Variants in ADGRD1 observed in about 807,000 individuals in gnomAD.
The protein encoded by ADGRD1 is G-protein coupled receptor 133.
ADGRD1 carries 77 observed loss-of-function variants against 113.4 expected under a neutral mutation model. That is an observed-to-expected ratio of 0.68 (90% CI 0.57 to 0.82). The LOEUF (loss-of-function observed/expected upper bound fraction) is 0.82, where lower values mean the gene tolerates loss of function less well. ADGRD1 is among the 40% of genes least tolerant of loss of function. The pLI is 0.00. For missense variants in ADGRD1, 1,036 were observed against 1,139.1 expected (o/e 0.91, Z 1.30); for synonymous variants, 474 against 475.0 (o/e 1.00, Z 0.03).
At chr12:131,007,169 C>G (rs1231657362) in intron 12 of ADGRD1, among the ~76,000 whole-genome samples, 2 of 152,250 alleles carry the variant, frequency 1.3e-5, no homozygotes, top group African/African-American at 4.8e-5. Flanking sequence ...CTTCCAGATG[C>G]AGGGTGCACA....
At position 131,015,954 on chromosome 12, in the gene ADGRD1, C is replaced by T. The variant is rs189473592; in HGVS notation, c.1473+1614C>T. Among the ~76,000 whole-genome samples, 317 of 152,338 alleles carry T rather than the reference C, an allele frequency of 2.1e-3. 2 individuals are homozygous for T. Among genetic ancestry groups the T allele is most frequent in the African/African-American group, 7.3e-3 (303 of 41,580 alleles). ...AGGAGAATTTACACTCTGGGCCTGTCGGCAGATGTCTAGCAGGTCTTTCCC... is the reference window on the plus strand; with the variant it reads ...AGGAGAATTTACACTCTGGGCCTGTTGGCAGATGTCTAGCAGGTCTTTCCC... On this transcript the variant is annotated intron_variant, in intron 13 of 24. Transcript: ENST00000261654.
At chr12:131,137,976 C>A in intron 23 of ADGRD1, 161 bp from the exon 24 acceptor site, 1 of 643,274 alleles carries the variant, frequency 1.6e-6, no homozygotes, top group Non-Finnish European at 2.8e-6. Context: ...CACAGAGCAG[C>A]GATGCACAGC....
At position 131,084,339 on chromosome 12, in the gene ADGRD1, T is replaced by C. The variant is rs570640639; in HGVS notation, c.1548-201T>C. Among the ~76,000 whole-genome samples the C allele has an allele frequency of 3.9e-5, 6 of 152,110 alleles. No homozygotes were observed. The South Asian group carries it at 1.2e-3, about 32-fold the overall frequency. Reference sequence around the variant, plus strand: ...CTGTGGCCTGACCAGCAGCAGACACTCTCCAGCTCTCGCCAGCCTGATGGC... The same window carrying C: ...CTGTGGCCTGACCAGCAGCAGACACCCTCCAGCTCTCGCCAGCCTGATGGC... On this transcript the variant is annotated intron_variant, in intron 14 of 24. Transcript: ENST00000261654. The surrounding 1 kb of genome is among the most constrained non-coding windows in gnomAD (Gnocchi z 4.5).
At chr12:131,114,588 T>C (rs1950420250) in intron 18 of ADGRD1, among the ~76,000 whole-genome samples, 1 of 152,182 alleles carries the variant, frequency 6.6e-6, no homozygotes, top group Non-Finnish European at 1.5e-5. Flanking sequence ...TTGGGCTCTC[T>C]CGACCTTCAG....
At chr12:131,137,391 G>C (rs1951114269) in intron 23 of ADGRD1, among the ~76,000 whole-genome samples, 1 of 152,228 alleles carries the variant, frequency 6.6e-6, no homozygotes, top group African/African-American at 2.4e-5. Context: ...GGCCTCCTTG[G>C]ACTCTGGGGC....
intron 13 of ADGRD1, among the ~76,000 whole-genome samples, chr12:131,051,898 G>A (rs1185539035): frequency 1.3e-5 from 2 of 152,218 alleles, no homozygotes; most frequent in Non-Finnish European, 2.9e-5. Context: ...GAATTGAATT[G>A]AATATGAATT....
At chr12:131,082,553 A>T (rs1360152507) in intron 14 of ADGRD1, among the ~76,000 whole-genome samples, 1 of 152,062 alleles carries the variant, frequency 6.6e-6, no homozygotes. Flanking sequence ...GGCTACGTTC[A>T]CCTAATCCAA....
At chr12:131,044,417 A>T (rs771123712) in intron 13 of ADGRD1, among the ~76,000 whole-genome samples, 6 of 152,206 alleles carry the variant, frequency 3.9e-5, no homozygotes, top group Non-Finnish European at 8.8e-5. Flanking sequence ...GCAGAAGCAC[A>T]GGGGGCTGAG....
chr12:131,122,189 A>T (rs1002260048), intron 20 of ADGRD1, among the ~76,000 whole-genome samples: 2 of 152,006 alleles, frequency 1.3e-5, no homozygotes, highest in African/African-American at 4.8e-5. Context: ...GAGGGGCGTC[A>T]GGGGCCCAGG....
chr12:131,074,640 C>G (rs984197291), intron 13 of ADGRD1, among the ~76,000 whole-genome samples: 1 of 152,224 alleles, frequency 6.6e-6, no homozygotes, highest in Non-Finnish European at 1.5e-5. Context: ...CCACGTCACA[C>G]CCCTGGGAGC....
At chr12:130,976,571 G>A (rs963061037) in intron 4 of ADGRD1, among the ~76,000 whole-genome samples, 1 of 152,162 alleles carries the variant, frequency 6.6e-6, no homozygotes, top group Non-Finnish European at 1.5e-5. Context: ...CTGACTATAC[G>A]TGCTTGGTTT....
intron 20 of ADGRD1, among the ~76,000 whole-genome samples, chr12:131,124,682 G>A (rs1049894385): frequency 1.3e-4 from 14 of 105,252 alleles, no homozygotes; most frequent in African/African-American, 3.4e-4. Flanking sequence ...GCCCCTTCTC[G>A]AATTGTTCTC....
At chr12:131,071,677 A>G (rs1031274326) in intron 13 of ADGRD1, among the ~76,000 whole-genome samples, 9 of 152,186 alleles carry the variant, frequency 5.9e-5, no homozygotes, top group Admixed American at 3.3e-4. Flanking sequence ...GGCGGGTCCT[A>G]TGTGTCCAGG....
intron 13 of ADGRD1, among the ~76,000 whole-genome samples, chr12:131,025,134 G>A (rs920255471): frequency 2.4e-4 from 37 of 152,228 alleles, no homozygotes; most frequent in Admixed American, 1.9e-3. Context: ...TGCAGTCCCC[G>A]TTTTAATGGT....
At position 131,003,604 on chromosome 12, in the gene ADGRD1, G is replaced by A. The variant is rs191168746; in HGVS notation, c.1144+302G>A. 6.6e-6 allele frequency among the ~76,000 whole-genome samples: 1 copy of A among 152,334 alleles called. No individual in the cohort carries two copies. The highest frequency in any genetic ancestry group is 1.9e-4 in the East Asian group (1 of 5,184). On this transcript the variant is annotated intron_variant, in intron 10 of 24. Transcript: ENST00000261654. This position sits in a 1 kb window ranked among gnomAD's most constrained non-coding sequence, Gnocchi z 4.8. The stretch of plus-strand genomic sequence containing the variant: ...AGCAGCAGTGCCTGCAAGAGTCTGT[G>A]GAATAAAAGGGGTGGCCTCGGGTTT...
intron 15 of ADGRD1, among the ~76,000 whole-genome samples, chr12:131,085,503 C>A (rs931695386): frequency 6.6e-6 from 1 of 152,100 alleles, no homozygotes; most frequent in African/African-American, 2.4e-5. Context: ...CATACGAAGC[C>A]TTTGGAGAGC....
chr12:130,974,768 C>T (rs372562585), intron 4 of ADGRD1, among the ~76,000 whole-genome samples: 2 of 152,020 alleles, frequency 1.3e-5, no homozygotes, highest in Non-Finnish European at 2.9e-5. Flanking sequence ...GGCTGTCCCC[C>T]GAGGGTGCCC....
At position 131,140,116 on chromosome 12, in the gene ADGRD1, T is replaced by C. The variant is rs1233254302; in HGVS notation, c.*853T>C. The C allele has an allele frequency of 1.3e-5, 2 of 152,268 alleles. No individual in the cohort carries two copies. Among genetic ancestry groups the C allele is most frequent in the Non-Finnish European group, 2.9e-5 (2 of 68,066 alleles). The allele number at this position is 152,268 out of a possible 1,614,324, so 9.4% of individuals were successfully genotyped here. ...CCTCGTGTGCCAGCCTCCTTGGTTGTTCTTGGGCCACAGGAGCTGGCCGTG... is the reference window on the plus strand; with the variant it reads ...CCTCGTGTGCCAGCCTCCTTGGTTGCTCTTGGGCCACAGGAGCTGGCCGTG... On this transcript the variant is annotated 3_prime_UTR_variant, in exon 25 of 25. Transcript: ENST00000261654.
At chr12:131,076,920 C>G (rs1318368012) in intron 14 of ADGRD1, 46 bp downstream of exon 14, 1 of 1,462,002 alleles carries the variant, frequency 6.8e-7, no homozygotes, top group Admixed American at 1.7e-5. Flanking sequence ...GGTGTCCAAG[C>G]CCAGGCCCGC....
Sources: allele counts gnomAD v4.1 joint callset (sites outside exome capture counted in the v4.1 genomes callset), GRCh38; gene constraint gnomAD v4.1.1; non-coding constraint Gnocchi (gnomAD v3.1); transcripts MANE v1.5; gene names NCBI Gene and HGNC (gene_info 2026-07-23, HGNC 2026-07-21).